ANK3: variants seen among roughly 807,000 people sequenced by gnomAD.
ANK3 encodes ankyrin 3.
ANK3 carries 57 observed loss-of-function variants against 370.9 expected under a neutral mutation model. That is an observed-to-expected ratio of 0.15 (90% CI 0.12 to 0.19). The LOEUF (loss-of-function observed/expected upper bound fraction) is 0.19. ANK3 is among the 10% of genes least tolerant of loss of function. The pLI, the probability that ANK3 is intolerant of heterozygous loss-of-function variation, is 1.00. For missense variants in ANK3, 4,439 were observed against 5,302.1 expected (o/e 0.84, Z 5.06); for synonymous variants, 1,929 against 1,946.3 (o/e 0.99, Z 0.23).
intron 6 of ANK3, among the ~76,000 whole-genome samples, chr10:60,263,314 G>A (rs1029906645): frequency 3.3e-5 from 5 of 152,128 alleles, no homozygotes; most frequent in Non-Finnish European, 4.4e-5. Context: ...GATGGGCTAC[G>A]CAACGGCCTA....
At position 60,389,712 on chromosome 10, in the gene ANK3, A is replaced by C. The variant is rs2062931712; in HGVS notation, c.-174T>G. On this transcript the variant is annotated 5_prime_UTR_variant, in exon 1 of 44. Coordinates refer to ENST00000280772, the MANE Select transcript of ANK3 (RefSeq NM_020987.5). ...TGCTGGAGAAGCTGAAGCTTTTAAAAACCCAAATGATGGTGTCCGGACTTC... is the reference window on the plus strand; with the variant it reads ...TGCTGGAGAAGCTGAAGCTTTTAAACACCCAAATGATGGTGTCCGGACTTC... 2.8e-6 allele frequency: 4 copies of C among 1,437,184 alleles called. No individual in the cohort carries two copies. Among genetic ancestry groups the C allele is most frequent in the Non-Finnish European group, 3.6e-6 (4 of 1,101,956 alleles). 89.0% of individuals were successfully genotyped at this position (1,437,184 alleles called of 1,614,324 possible). A position where few individuals can be genotyped will look rare whatever the true frequency, so the allele number is the denominator to read the frequency against.
At chr10:60,477,004 C>T (rs924706936) in intron 2 of ANK3, among the ~76,000 whole-genome samples, 1 of 152,012 alleles carries the variant, frequency 6.6e-6, no homozygotes, top group Non-Finnish European at 1.5e-5. Context: ...GAAAGAAAGC[C>T]TGCAAAAAAA....
intron 1 of ANK3, among the ~76,000 whole-genome samples, chr10:60,630,680 G>C (rs1194723147): frequency 6.6e-6 from 1 of 152,140 alleles, no homozygotes; most frequent in Non-Finnish European, 1.5e-5. Flanking sequence ...CAGCCAGGCA[G>C]CAGGACAGCT....
chr10:60,261,330 T>A (rs1209800878), intron 7 of ANK3, among the ~76,000 whole-genome samples: 2 of 152,212 alleles, frequency 1.3e-5, no homozygotes, highest in African/African-American at 4.8e-5. Context: ...ACATTGTAAT[T>A]CCTTTCTTCA....
chr10:60,625,324 C>G (rs1019513846), intron 1 of ANK3, among the ~76,000 whole-genome samples: 1 of 152,100 alleles, frequency 6.6e-6, no homozygotes, highest in African/African-American at 2.4e-5. Context: ...GTTGTTTAAG[C>G]CACTGTGCTT....
chr10:60,631,678 A>C (rs1387369438), intron 1 of ANK3, among the ~76,000 whole-genome samples: 1 of 152,200 alleles, frequency 6.6e-6, no homozygotes, highest in Non-Finnish European at 1.5e-5. Flanking sequence ...AATCATCAAA[A>C]GTATAAAAGT....
intron 8 of ANK3, among the ~76,000 whole-genome samples, chr10:60,223,761 G>A (rs1331332012): frequency 6.6e-6 from 1 of 152,088 alleles, no homozygotes; most frequent in Non-Finnish European, 1.5e-5. Context: ...TAAGTGACTT[G>A]TAAATTGGGA....
intron 2 of ANK3, among the ~76,000 whole-genome samples, chr10:60,574,398 TG>T (rs1393458805): frequency 6.6e-6 from 1 of 152,226 alleles, no homozygotes; most frequent in African/African-American, 2.4e-5. Context: ...TCAGTAAGTC[TG>T]GGATGGCCAG....
intron 8 of ANK3, among the ~76,000 whole-genome samples, chr10:60,219,205 T>A (rs1251669530): frequency 1.3e-5 from 2 of 152,062 alleles, no homozygotes; most frequent in African/African-American, 4.8e-5. Flanking sequence ...GTTCTTAGCT[T>A]CTTTGTATTG....
chr10:60,223,858 C>T (rs945310252), intron 8 of ANK3, among the ~76,000 whole-genome samples: 4 of 151,728 alleles, frequency 2.6e-5, no homozygotes, highest in Non-Finnish European at 2.9e-5. Flanking sequence ...TACTAATAAG[C>T]GTAATAAAAG....
At chr10:60,691,900 G>T (rs1466258192) in intron 1 of ANK3, among the ~76,000 whole-genome samples, 1 of 152,084 alleles carries the variant, frequency 6.6e-6, no homozygotes, top group Non-Finnish European at 1.5e-5. Flanking sequence ...ACGTGTACCT[G>T]TGCCAAAAAC....
chr10:60,598,638 C>G (rs1405013815), intron 2 of ANK3, among the ~76,000 whole-genome samples: 3 of 152,034 alleles, frequency 2.0e-5, no homozygotes, highest in African/African-American at 7.2e-5. Flanking sequence ...TTTGTAAAAC[C>G]CTTTATCAAA....
chr10:60,424,662 G>A (rs1051549838), intron 2 of ANK3, among the ~76,000 whole-genome samples: 32 of 152,084 alleles, frequency 2.1e-4, no homozygotes, highest in African/African-American at 7.0e-4. Flanking sequence ...ATTGTAGTGT[G>A]GCAGTTAGTT....
rs115448247 is a variant in ANK3 at position 60,370,463 on chromosome 10, T to C, written c.114+18962A>G. Among the ~76,000 whole-genome samples, 1,344 of 152,228 alleles carry C rather than the reference T, an allele frequency of 8.8e-3. 19 individuals are homozygous for C. Among genetic ancestry groups the C allele is most frequent in the African/African-American group, 0.028 (1,180 of 41,548 alleles). On this transcript the variant is annotated intron_variant, in intron 1 of 43. Coordinates refer to ENST00000280772, the MANE Select transcript of ANK3 (RefSeq NM_020987.5). ...AAAATTAATTTAAAAAGAAAAAATATATAAAAATCACTATTCAAATATTGC... is the reference window on the plus strand; with the variant it reads ...AAAATTAATTTAAAAAGAAAAAATACATAAAAATCACTATTCAAATATTGC...
In ANK3 at chr10:60,688,430, A is replaced by G. The variant is rs185002798; in HGVS notation, c.57+44833T>C. On this transcript the variant is annotated intron_variant, in intron 1 of 43. Transcript: ENST00000373827. ...AAAATGAATAAGTTAGATCTGCCAT[A>G]CATTGTACTTATAATCAATACTCTA... 1.1e-3 allele frequency among the ~76,000 whole-genome samples: 171 copies of G among 152,328 alleles called. 1 individual carries two copies. The highest frequency in any genetic ancestry group is 1.6e-4 in the Non-Finnish European group (11 of 68,030).
At chr10:60,395,549 CCTCTTT>C (rs2063201267) in intron 2 of ANK3, among the ~76,000 whole-genome samples, 2 of 119,004 alleles carry the variant, frequency 1.7e-5, no homozygotes, top group African/African-American at 6.3e-5. Context: ...AACTACTATG[CCTCTTT>C]CTTTCTTTCT....
In ANK3 at chr10:60,619,910, A is replaced by G. The variant is rs537179677; in HGVS notation, c.58-4686T>C. Among the ~76,000 whole-genome samples, 8 of 152,280 alleles carry G rather than the reference A, an allele frequency of 5.3e-5. 1 individual carries two copies. Among genetic ancestry groups the G allele is most frequent in the African/African-American group, 1.7e-4 (7 of 41,562 alleles). ...CGTTTCTCAGCAATTGCTCTCCAAT[A>G]AGACTATTCTGAAGTCCACAGTAAT... On this transcript the variant is annotated intron_variant, in intron 1 of 43. Coordinates refer to the ANK3 transcript ENST00000373827.
Position 60,365,593 on chromosome 10 carries a change from G to C in ANK3, c.114+23832C>G, listed in dbSNP as rs12261705. On this transcript the variant is annotated intron_variant, in intron 1 of 43. Transcript: ENST00000280772. The stretch of plus-strand genomic sequence containing the variant: ...GAGAAACTTTAAAAGTCTCAACCAA[G>C]ATTTAATCAGAAGTATACTCTTTAA... Among the ~76,000 whole-genome samples the C allele has an allele frequency of 3.5e-3, 534 of 152,306 alleles. 3 individuals carry two copies. Among genetic ancestry groups the C allele is most frequent in the African/African-American group, 0.012 (495 of 41,566 alleles).
chr10:60,651,851 A>ACTCTGACCT (rs2078793183), intron 1 of ANK3, among the ~76,000 whole-genome samples: 1 of 151,900 alleles, frequency 6.6e-6, no homozygotes, highest in Admixed American at 6.6e-5. Flanking sequence ...CCTCCCTTCC[A>ACTCTGACCT]CTCTAGGCAC....
Sources: allele counts gnomAD v4.1 joint callset (sites outside exome capture counted in the v4.1 genomes callset), GRCh38; gene constraint gnomAD v4.1.1; transcripts MANE v1.5; gene names NCBI Gene and HGNC (gene_info 2026-07-23, HGNC 2026-07-21).